The following SNTG2 variants were observed in gnomAD, a reference collection of about 807,000 sequenced individuals.
The protein encoded by SNTG2 is gamma-2-syntrophin.
In SNTG2, 74 loss-of-function variants were observed where a neutral mutation model predicts 70.9. The observed-to-expected ratio is 1.04, with a 90% CI of 0.86 to 1.27. The LOEUF is 1.27. Ranked by LOEUF, SNTG2 falls within the 50% of genes most tolerant of loss-of-function variation. The pLI is 0.00. For synonymous variants in SNTG2, 278 were observed against 273.8 expected, an observed-to-expected ratio of 1.02 and a Z score of -0.15; for missense variants, 717 against 690.7, an observed-to-expected ratio of 1.04 and a Z score of -0.43.
chr2:954,241 C>G (rs1021121943), intron 1 of SNTG2, among the ~76,000 whole-genome samples: 13 of 152,192 alleles, frequency 8.5e-5, no homozygotes, highest in African/African-American at 2.9e-4. Flanking sequence ...TTCCAGGGAA[C>G]TCAGAGAACC....
intron 1 of SNTG2, among the ~76,000 whole-genome samples, chr2:986,247 G>C (rs1446876405): frequency 6.6e-6 from 1 of 152,204 alleles, no homozygotes; most frequent in African/African-American, 2.4e-5. Flanking sequence ...GGCCTGAGCA[G>C]AGTTGTGGCC....
chr2:994,325 G>T (rs563441664), intron 1 of SNTG2, among the ~76,000 whole-genome samples: 76 of 152,028 alleles, frequency 5.0e-4, no homozygotes, highest in African/African-American at 1.6e-3. Context: ...ACATGTGAGG[G>T]TTTATTTCTG....
chr2:1,165,200 A>G (rs1670623986), intron 6 of SNTG2, among the ~76,000 whole-genome samples: 1 of 152,238 alleles, frequency 6.6e-6, no homozygotes. Flanking sequence ...GTGACTGAAC[A>G]CAGGCTGTTT....
In SNTG2 at chr2:994,392, A is replaced by G. The variant is rs182916813; in HGVS notation, c.72+43324A>G. Among the ~76,000 whole-genome samples, 8 of 152,150 alleles carry G rather than the reference A, an allele frequency of 5.3e-5. No individual in the cohort carries two copies. The East Asian group carries it at 1.5e-3, about 29-fold the overall frequency. ...TCTATTTTTATAAAGCTATGTTAAT[A>G]TTTTCATGCTTATGCCAGCACTGTA... On this transcript the variant is annotated intron_variant, in intron 1 of 16. Transcript: ENST00000308624.
chr2:1,363,143 A>G (rs1005838873), intron 16 of SNTG2, among the ~76,000 whole-genome samples: 43 of 133,752 alleles, frequency 3.2e-4, no homozygotes, highest in African/African-American at 3.0e-4. Flanking sequence ...CCCCCATGAA[A>G]GAGGAACCAT....
At chr2:1,297,522 C>T (rs1403332479) in intron 14 of SNTG2, among the ~76,000 whole-genome samples, 1 of 152,052 alleles carries the variant, frequency 6.6e-6, no homozygotes, top group Non-Finnish European at 1.5e-5. Flanking sequence ...CCCATCAGCC[C>T]AGCCCTGCAC....
At chr2:1,206,699 G>T (rs1471390546) in intron 8 of SNTG2, among the ~76,000 whole-genome samples, 2 of 152,196 alleles carry the variant, frequency 1.3e-5, no homozygotes. Flanking sequence ...AGCCAAAGCT[G>T]CACCTACAAG....
At chr2:1,189,002 C>T (rs1414901114) in intron 8 of SNTG2, among the ~76,000 whole-genome samples, 1 of 151,824 alleles carries the variant, frequency 6.6e-6, no homozygotes, top group Non-Finnish European at 1.5e-5. Flanking sequence ...GAAAAAACAA[C>T]AAAACATGAT....
At chr2:977,379 C>T (rs1449586159) in intron 1 of SNTG2, among the ~76,000 whole-genome samples, 1 of 152,138 alleles carries the variant, frequency 6.6e-6, no homozygotes, top group Non-Finnish European at 1.5e-5. Context: ...GCAGGAGGCC[C>T]CTGTGCCCAC....
At chr2:1,157,447 A>G (rs553451772) in intron 6 of SNTG2, among the ~76,000 whole-genome samples, 1 of 152,352 alleles carries the variant, frequency 6.6e-6, no homozygotes, top group African/African-American at 2.4e-5. Flanking sequence ...CACGTGCACA[A>G]GGATGCCAGA....
Position 1,080,107 on chromosome 2 carries a change from T to A in SNTG2, c.73-3411T>A, listed in dbSNP as rs559933608. Among the ~76,000 whole-genome samples, 670 of 152,286 alleles carry A rather than the reference T, an allele frequency of 4.4e-3. 4 individuals are homozygous for A. The highest frequency in any genetic ancestry group is 0.016 in the Admixed American group (241 of 15,308). ...CCCCAGGGCGGTGGCGAGGGGGACT[T>A]GTCCTGGGCAATGGTGTGGCTGGGG... On this transcript the variant is annotated intron_variant, in intron 1 of 16. Transcript: ENST00000308624.
At chr2:1,058,502 A>G (rs549757906) in intron 1 of SNTG2, among the ~76,000 whole-genome samples, 1 of 152,384 alleles carries the variant, frequency 6.6e-6, no homozygotes, top group East Asian at 1.9e-4. Flanking sequence ...GATTATGGAC[A>G]AATAGATTGC....
rs935031629 is a variant in SNTG2 at position 1,240,991 on chromosome 2, T to C, written c.888+1215T>C. The stretch of plus-strand genomic sequence containing the variant: ...CTGAAACTTTTCCACAAAGTACATA[T>C]CTCTCTATGGTTCACACAGGAAACA... On this transcript the variant is annotated intron_variant, in intron 11 of 16. Coordinates refer to ENST00000308624, the MANE Select transcript of SNTG2 (RefSeq NM_018968.4). 3.9e-5 allele frequency among the ~76,000 whole-genome samples: 6 copies of C among 152,298 alleles called. No individual in the cohort carries two copies. In the East Asian group the frequency reaches 1.2e-3, roughly 29 times the overall value.
intron 4 of SNTG2, among the ~76,000 whole-genome samples, chr2:1,116,867 T>G (rs1213077127): frequency 6.8e-6 from 1 of 146,178 alleles, no homozygotes; most frequent in Non-Finnish European, 1.5e-5. Context: ...GGTGCTCTGG[T>G]GTACGGGTGC....
chr2:1,221,995 G>GTC (rs1553362006), intron 9 of SNTG2, among the ~76,000 whole-genome samples: 1 of 2,124 alleles, frequency 4.7e-4, no homozygotes, highest in Non-Finnish European at 2.1e-3. Context: ...CTCTGTCTCT[G>GTC]TCTCTGTCTC....
chr2:1,169,695 C>G (rs891296578), intron 7 of SNTG2, among the ~76,000 whole-genome samples: 1 of 152,128 alleles, frequency 6.6e-6, no homozygotes, highest in Non-Finnish European at 1.5e-5. Flanking sequence ...ATAGTGACTT[C>G]AATGAGCGTT....
intron 16 of SNTG2, among the ~76,000 whole-genome samples, chr2:1,334,344 G>A (rs896374995): frequency 6.6e-6 from 1 of 152,206 alleles, no homozygotes; most frequent in Non-Finnish European, 1.5e-5. Context: ...ACCTGCTGGT[G>A]GGAATGTAAA....
intron 16 of SNTG2, among the ~76,000 whole-genome samples, chr2:1,334,798 G>A (rs1659716666): frequency 6.6e-6 from 1 of 152,224 alleles, no homozygotes; most frequent in Middle Eastern, 3.4e-3. Flanking sequence ...GGGAAGGATG[G>A]GAGGGGACTG....
intron 4 of SNTG2, among the ~76,000 whole-genome samples, chr2:1,121,476 A>C (rs561754235): frequency 3.9e-4 from 60 of 152,318 alleles, no homozygotes; most frequent in African/African-American, 1.4e-3. Flanking sequence ...AAAAAAAATA[A>C]AATTGGCAAA....
Sources: allele counts gnomAD v4.1 joint callset (sites outside exome capture counted in the v4.1 genomes callset), GRCh38; gene constraint gnomAD v4.1.1; transcripts MANE v1.5; gene names NCBI Gene and HGNC (gene_info 2026-07-23, HGNC 2026-07-21).